PIGS: variants seen among roughly 807,000 people sequenced by gnomAD.
PIGS encodes GPI-anchor transamidase component PIGS.
Under a neutral mutation model 58.2 loss-of-function variants are expected in PIGS, and 37 were observed. The observed-to-expected ratio is 0.64, with a 90% CI of 0.49 to 0.84. The LOEUF (loss-of-function observed/expected upper bound fraction) is 0.84, where lower values mean the gene tolerates loss of function less well. Among genes scored for constraint, PIGS ranks in the 40% least tolerant of loss-of-function variants. PIGS has a pLI of 0.00. For missense variants in PIGS, 629 were observed against 710.8 expected (o/e 0.88, Z 1.31); for synonymous variants, 269 against 289.2 (o/e 0.93, Z 0.71).
chr17:28,560,361 C>G, intron 6 of PIGS, 170 bp from the exon 7 acceptor site: 1 of 731,534 alleles, frequency 1.4e-6, no homozygotes, highest in South Asian at 2.0e-5. Flanking sequence ...TAAGAAAAAG[C>G]TGCCGGGCGC....
In PIGS at chr17:28,554,265, G is replaced by C. The variant is rs1179440231; in HGVS notation, c.1623C>G (p.Phe541Leu). 3 of 1,614,190 alleles carry C rather than the reference G, an allele frequency of 1.9e-6. No individual in the cohort carries two copies. Among genetic ancestry groups the C allele is most frequent in the South Asian group, 1.1e-5 (1 of 91,078 alleles). The change falls in exon 12 of 12, where the codon TTC becomes TTG. Residue 541 changes from phenylalanine (F) to leucine (L), a missense_variant. Physicochemically the swap from Phe to Leu is conservative, Grantham distance 22. Coordinates refer to ENST00000308360, the MANE Select transcript of PIGS (RefSeq NM_033198.4). ...VPILLSLVKIFLETRKSWRKP... is the reference protein window; with the variant it reads ...VPILLSLVKILLETRKSWRKP... Reference sequence around the variant, plus strand: ...TTCTCCAGGACTTGCGGGTCTCCAGGAAGATCTTGACCAGGGACAGGAGGA... The same window carrying C: ...TTCTCCAGGACTTGCGGGTCTCCAGCAAGATCTTGACCAGGGACAGGAGGA...
Position 28,555,391 on chromosome 17 carries a change from G to C in PIGS, c.1182-330C>G, listed in dbSNP as rs541827364. ...CTTTCACCTTTTCTACCCTCTCTTT[G>C]AACAAATGGGGCCAATGGGACTTAG... On this transcript the variant is annotated intron_variant, in intron 10 of 11. Coordinates refer to ENST00000308360, the MANE Select transcript of PIGS (RefSeq NM_033198.4). The C allele has an allele frequency of 9.9e-6, 3 of 302,050 alleles. No homozygotes were observed. In the South Asian group the frequency reaches 1.0e-4, roughly 10 times the overall value. 18.7% of individuals were successfully genotyped at this position (302,050 alleles called of 1,614,324 possible). A position where few individuals can be genotyped will look rare whatever the true frequency, so the allele number is the denominator to read the frequency against.
chr17:28,570,829 A>T lies in PIGS; in HGVS notation c.286+23T>A, dbSNP rs771806380. 2.5e-6 allele frequency: 4 copies of T among 1,612,382 alleles called. No homozygotes were observed. The African/African-American group carries it at 5.3e-5, about 22-fold the overall frequency. On this transcript the variant is annotated intron_variant, in intron 3 of 11. Transcript: ENST00000308360. ...TGAACTGAGCTCAGAGGCGAAAAGC[A>T]GCCCTGATCCCCAGTAACTCACATT...
chr17:28,559,047 T>G (rs1035893618), intron 7 of PIGS, among the ~76,000 whole-genome samples: 4 of 152,098 alleles, frequency 2.6e-5, no homozygotes, highest in Non-Finnish European at 4.4e-5. Flanking sequence ...TGGCACAATC[T>G]TGGCTCACTG....
chr17:28,567,025 A>T (rs1214374897), intron 3 of PIGS, among the ~76,000 whole-genome samples: 2 of 152,008 alleles, frequency 1.3e-5, no homozygotes, highest in African/African-American at 4.8e-5. Context: ...CCCTGTCTCT[A>T]AAAAAAATAA....
intron 3 of PIGS, among the ~76,000 whole-genome samples, chr17:28,567,366 G>A (rs896082435): frequency 6.6e-5 from 10 of 152,124 alleles, no homozygotes; most frequent in Non-Finnish European, 1.5e-4. Context: ...TAAACTGTGA[G>A]GAAGCTACTC....
At position 28,558,596 on chromosome 17, in the gene PIGS, G is replaced by C; in HGVS notation, c.820-6C>G. ...AACATTGCATAGTAAAGAATCTGTA[G>C]AGCAAACAGGGAGTGGTTACTTTGT... is the stretch of plus-strand genomic sequence containing the variant. On this transcript the variant is annotated splice_region_variant and splice_polypyrimidine_tract_variant and intron_variant, in intron 7 of 11. Transcript: ENST00000308360. 1 of 1,592,730 alleles carries C rather than the reference G, an allele frequency of 6.3e-7. No individual in the cohort carries two copies. The highest frequency in any genetic ancestry group is 8.6e-7 in the Non-Finnish European group (1 of 1,164,734).
intron 1 of PIGS, 109 bp downstream of exon 1, chr17:28,571,354 C>G (rs1223149184): frequency 6.5e-7 from 1 of 1,530,060 alleles, no homozygotes; most frequent in Non-Finnish European, 8.9e-7. Flanking sequence ...TCTGAAGAGA[C>G]CCCCGAGCCC....
chr17:28,554,240 TTCTCCAGGACTTGCGGG>T lies in PIGS; in HGVS notation c.1631_1647del (p.Thr544LysfsTer3). The T allele has an allele frequency of 6.2e-6, 10 of 1,614,172 alleles. No homozygotes were observed. Among genetic ancestry groups the T allele is most frequent in the Non-Finnish European group, 7.6e-6 (9 of 1,180,018 alleles). Reference sequence around the variant, plus strand: ...CCTGCTCAGTCTGTCTTCTCAGGCTTTCTCCAGGACTTGCGGGTCTCCAGGAAGATCTTGACCAGGGA... The same window carrying T: ...CCTGCTCAGTCTGTCTTCTCAGGCTTTCTCCAGGAAGATCTTGACCAGGGA... On this transcript the variant is annotated frameshift_variant, in exon 12 of 12. Transcript: ENST00000308360. LOFTEE classifies it high-confidence loss of function.
chr17:28,557,162 T>C, intron 8 of PIGS, 190 bp from the exon 9 acceptor site: 1 of 616,228 alleles, frequency 1.6e-6, no homozygotes, highest in South Asian at 2.1e-5. Flanking sequence ...GCCATACCGA[T>C]GGAAACATAG....
At chr17:28,569,816 T>C (rs1198873388) in intron 3 of PIGS, among the ~76,000 whole-genome samples, 1 of 152,214 alleles carries the variant, frequency 6.6e-6, no homozygotes, top group Non-Finnish European at 1.5e-5. Flanking sequence ...AAAATGGGGA[T>C]CATATCATTA....
rs1347494892 is a variant in PIGS at position 28,554,057 on chromosome 17, T to A, written c.*163A>T. 1 of 884,530 alleles carries A rather than the reference T, an allele frequency of 1.1e-6. No homozygotes were observed. Among genetic ancestry groups the A allele is most frequent in the Non-Finnish European group, 1.7e-6 (1 of 586,226 alleles). 54.8% of individuals were successfully genotyped at this position (884,530 alleles called of 1,614,324 possible). A position where few individuals can be genotyped will look rare whatever the true frequency, so the allele number is the denominator to read the frequency against. On this transcript the variant is annotated 3_prime_UTR_variant, in exon 12 of 12. Coordinates refer to ENST00000308360, the MANE Select transcript of PIGS (RefSeq NM_033198.4). ...AGGTGAATGGGAAAGGAAGAAAAGA[T>A]GAACCCATCTTGGAGTGTTGTACTT... is the stretch of plus-strand genomic sequence containing the variant.
At position 28,556,906 on chromosome 17, in the gene PIGS, G is replaced by C. The variant is rs766385188; in HGVS notation, c.1001C>G (p.Ser334Ter). ...FLLYVPELAH[S>*]PLYIQDKDGA... The stretch of plus-strand genomic sequence containing the variant: ...ATCCTTGTCCTGAATGTACAGCGGT[G>C]AGTGTGCAAGCTCAGGCACGTAGAG... The change falls in exon 9 of 12, where the codon TCA (serine) becomes TGA (stop). Residue 334 changes from serine (S) to a stop codon, truncating the protein, a stop_gained. Transcript: ENST00000308360. LOFTEE classifies it high-confidence loss of function. 1 of 1,614,178 alleles carries C rather than the reference G, an allele frequency of 6.2e-7. No homozygotes were observed. Among genetic ancestry groups the C allele is most frequent in the East Asian group, 2.2e-5 (1 of 44,884 alleles).
intron 3 of PIGS, among the ~76,000 whole-genome samples, chr17:28,567,468 G>C (rs1228817136): frequency 2.0e-5 from 3 of 152,138 alleles, no homozygotes; most frequent in Non-Finnish European, 2.9e-5. Context: ...GGGGTAGGGT[G>C]GGGGGAGCTG....
Position 28,554,407 on chromosome 17 carries a change from G to A in PIGS, c.1481C>T (p.Ala494Val). The change falls in exon 12 of 12, where the codon GCT becomes GTT. Residue 494 changes from alanine to valine, a missense_variant. By Grantham distance (64) the Ala-to-Val change is moderately conservative. Coordinates refer to ENST00000308360, the MANE Select transcript of PIGS (RefSeq NM_033198.4). Reference sequence around the variant, plus strand: ...GAAGGCAAGCTCAGAGGATGTCACAGCTTCCTGGCTGGCGACAAAGGCAGA... The same window carrying A: ...GAAGGCAAGCTCAGAGGATGTCACAACTTCCTGGCTGGCGACAAAGGCAGA... ...LASAFVASQE[A>V]VTSSELAFFD... 1 of 1,614,208 alleles carries A rather than the reference G, an allele frequency of 6.2e-7. No homozygotes were observed.
chr17:28,564,997 TGTTCTTTCTAAA>T lies in PIGS; in HGVS notation c.287-1102_287-1091del, dbSNP rs1415844633. Among the ~76,000 whole-genome samples the T allele has an allele frequency of 1.5e-4, 23 of 152,364 alleles. No individual in the cohort carries two copies. In the East Asian group the frequency reaches 3.9e-3, roughly 26 times the overall value. On this transcript the variant is annotated intron_variant, in intron 3 of 11. Transcript: ENST00000308360. ...CTCTATTCTCATTGTTATTCAGTAT[TGTTCTTTCTAAA>T]GTTCTTGACCAATGTAATATGTGAA...
intron 9 of PIGS, 102 bp downstream of exon 9, chr17:28,556,722 TGGG>T (rs2070331160): frequency 7.0e-7 from 1 of 1,422,126 alleles, no homozygotes; most frequent in Non-Finnish European, 9.4e-7. Context: ...TCCCACAGGC[TGGG>T]CCATGGAGGA....
intron 10 of PIGS, chr17:28,555,427 T>G: frequency 3.8e-6 from 1 of 265,468 alleles, no homozygotes. Context: ...CATTAAGGGA[T>G]GATCCAGGAC....
At chr17:28,557,113 G>A in intron 8 of PIGS, 141 bp from the exon 9 acceptor site, 2 of 887,504 alleles carry the variant, frequency 2.3e-6, no homozygotes, top group Non-Finnish European at 3.5e-6. Context: ...TGTCCAGGGT[G>A]TCTCTAGTAA....
Sources: allele counts gnomAD v4.1 joint callset (sites outside exome capture counted in the v4.1 genomes callset), GRCh38; gene constraint gnomAD v4.1.1; transcripts MANE v1.5; gene names NCBI Gene and HGNC (gene_info 2026-07-23, HGNC 2026-07-21).